Variants in RPGRIP1 observed in about 807,000 individuals in gnomAD.
RPGRIP1 encodes the protein X-linked retinitis pigmentosa GTPase regulator-interacting protein 1.
RPGRIP1 carries 128 observed loss-of-function variants against 157.9 expected under a neutral mutation model. That is an observed-to-expected ratio of 0.81 (90% CI 0.70 to 0.94). The LOEUF (loss-of-function observed/expected upper bound fraction) is 0.94, where lower values mean the gene tolerates loss of function less well. Ranked by LOEUF, RPGRIP1 falls within the 40% of genes least tolerant of loss-of-function variation. The pLI is 0.00. For synonymous variants in RPGRIP1, 554 were observed against 571.6 expected (o/e 0.97, Z 0.44); for missense variants, 1,486 against 1,545.8 (o/e 0.96, Z 0.65).
chr14:21,332,205 C>A (rs573926885), intron 20 of RPGRIP1, among the ~76,000 whole-genome samples: 3 of 152,206 alleles, frequency 2.0e-5, no homozygotes, highest in Non-Finnish European at 4.4e-5. Flanking sequence ...TCCCAAAGTG[C>A]TGGGATTACA....
At chr14:21,341,299 G>A (rs566348201) in intron 21 of RPGRIP1, among the ~76,000 whole-genome samples, 127 of 152,212 alleles carry the variant, frequency 8.3e-4, no homozygotes, top group Non-Finnish European at 1.5e-3. Flanking sequence ...CCAAAATGCT[G>A]GTATTACAGG....
intron 2 of RPGRIP1, among the ~76,000 whole-genome samples, chr14:21,289,750 C>G (rs1403784888): frequency 2.0e-5 from 3 of 152,146 alleles, no homozygotes; most frequent in African/African-American, 7.2e-5. Context: ...CGCCTGTAAT[C>G]CCAGCACCTT....
chr14:21,345,058 G>T, intron 22 of RPGRIP1, 55 bp from the exon 23 acceptor site: 1 of 1,133,824 alleles, frequency 8.8e-7, no homozygotes, highest in Non-Finnish European at 1.3e-6. Context: ...AAGTCTTGGG[G>T]CTCACACTGC....
intron 3 of RPGRIP1, among the ~76,000 whole-genome samples, chr14:21,296,517 A>T (rs1228862707): frequency 6.7e-6 from 1 of 149,364 alleles, no homozygotes; most frequent in African/African-American, 2.5e-5. Context: ...CCAGGCCTTA[A>T]TATTTGTATT....
chr14:21,301,722 T>TAATAAAAAA (rs1443437374), intron 4 of RPGRIP1, among the ~76,000 whole-genome samples: 1 of 75,122 alleles, frequency 1.3e-5, no homozygotes, highest in Non-Finnish European at 2.7e-5. Context: ...ATAATAATAA[T>TAATAAAAAA]AAAAAATTAG....
At chr14:21,346,748 C>A (rs1885612933) in intron 23 of RPGRIP1, among the ~76,000 whole-genome samples, 1 of 152,176 alleles carries the variant, frequency 6.6e-6, no homozygotes, top group Admixed American at 6.5e-5. Flanking sequence ...TGTTGCCCAG[C>A]TGGTCTTTCA....
intron 1 of RPGRIP1, among the ~76,000 whole-genome samples, chr14:21,280,913 T>G (rs1880101312): frequency 6.6e-6 from 1 of 152,186 alleles, no homozygotes; most frequent in Admixed American, 6.6e-5. Flanking sequence ...CCTTTTCAAA[T>G]TAATTAATTT....
At chr14:21,321,747 GC>G in intron 13 of RPGRIP1, 106 bp from the exon 14 acceptor site, 1 of 1,109,630 alleles carries the variant, frequency 9.0e-7, no homozygotes, top group East Asian at 2.5e-5. Flanking sequence ...GGGTGAACCT[GC>G]CCAGCTAAGG....
At chr14:21,318,299 A>G (rs1400063437) in intron 11 of RPGRIP1, 1 of 330,946 alleles carries the variant, frequency 3.0e-6, no homozygotes, top group Non-Finnish European at 5.9e-6. Context: ...TTTAGTAGAG[A>G]TGGGGTTTTA....
chr14:21,321,613 C>T, intron 13 of RPGRIP1: 1 of 1,132,788 alleles, frequency 8.8e-7, no homozygotes, highest in Non-Finnish European at 1.2e-6. Flanking sequence ...TGGGGCCAGC[C>T]CATGCCAATG....
chr14:21,344,250 G>A lies in RPGRIP1; in HGVS notation c.3533-863G>A, dbSNP rs369501018. Among the ~76,000 whole-genome samples the A allele has an allele frequency of 3.7e-4, 56 of 151,906 alleles. No homozygotes were observed. The South Asian group carries it at 0.01, about 28-fold the overall frequency. ...ATGCAATGATTATATTTCTTTACAC[G>A]TATTTTTTGCAGCAATTTTTCATTC... On this transcript the variant is annotated intron_variant, in intron 22 of 24. Coordinates refer to ENST00000400017, the MANE Select transcript of RPGRIP1 (RefSeq NM_020366.4).
chr14:21,307,703 C>A, intron 6 of RPGRIP1, 28 bp from the exon 7 acceptor site: 1 of 1,355,898 alleles, frequency 7.4e-7, no homozygotes, highest in Non-Finnish European at 1.0e-6. Flanking sequence ...CATGTTCAGA[C>A]AGAATAATTT....
At chr14:21,281,704 A>AATAATAAT (rs1555363835) in intron 1 of RPGRIP1, among the ~76,000 whole-genome samples, 148 of 133,968 alleles carry the variant, frequency 1.1e-3, no homozygotes, top group African/African-American at 1.4e-3. Flanking sequence ...AAAAAAAAAT[A>AATAATAAT]AATAATAATA....
chr14:21,339,330 T>C (rs1379228705), intron 21 of RPGRIP1, among the ~76,000 whole-genome samples: 1 of 151,696 alleles, frequency 6.6e-6, no homozygotes, highest in Admixed American at 6.6e-5. Context: ...CTTGTAATCC[T>C]GGCTACTCGA....
chr14:21,281,276 C>G (rs1244823278), intron 1 of RPGRIP1, among the ~76,000 whole-genome samples: 1 of 152,054 alleles, frequency 6.6e-6, no homozygotes, highest in Non-Finnish European at 1.5e-5. Flanking sequence ...CCCGCCTTGG[C>G]CTCCCAAAGT....
chr14:21,350,628 G>T (rs1380782546), intron 24 of RPGRIP1, among the ~76,000 whole-genome samples: 1 of 151,996 alleles, frequency 6.6e-6, no homozygotes, highest in African/African-American at 2.4e-5. Context: ...TCTATAAAAC[G>T]GGAATAACAG....
chr14:21,292,389 A>G (rs1880569473), intron 2 of RPGRIP1, among the ~76,000 whole-genome samples: 2 of 152,132 alleles, frequency 1.3e-5, no homozygotes, highest in African/African-American at 4.8e-5. Context: ...GATGTCACAA[A>G]TAGATAAAAC....
intron 3 of RPGRIP1, among the ~76,000 whole-genome samples, chr14:21,297,470 G>A (rs1048809702): frequency 2.0e-4 from 31 of 152,112 alleles, no homozygotes; most frequent in African/African-American, 7.5e-4. Flanking sequence ...AGAAAATGGG[G>A]ACCTGGAAAG....
intron 18 of RPGRIP1, among the ~76,000 whole-genome samples, chr14:21,328,137 C>T (rs570202151): frequency 1.3e-5 from 2 of 152,006 alleles, no homozygotes; most frequent in African/African-American, 4.8e-5. Flanking sequence ...CCATTGCACT[C>T]TGGCCTGGGC....
Sources: allele counts gnomAD v4.1 joint callset (sites outside exome capture counted in the v4.1 genomes callset), GRCh38; gene constraint gnomAD v4.1.1; transcripts MANE v1.5; gene names NCBI Gene and HGNC (gene_info 2026-07-23, HGNC 2026-07-21).